LRRIQ4: variants seen among roughly 807,000 people sequenced by gnomAD.
LRRIQ4 encodes leucine rich repeats and IQ motif containing 4.
Under a neutral mutation model 40.1 loss-of-function variants are expected in LRRIQ4, and 21 were observed. That is an observed-to-expected ratio of 0.52 (90% CI 0.37 to 0.75). The LOEUF is 0.75. Ranked by LOEUF, LRRIQ4 falls within the 30% of genes least tolerant of loss-of-function variation. The probability of loss-of-function intolerance (pLI) is 0.00; values close to 1 mark genes in which losing one functional copy is unlikely to be tolerated. For synonymous variants in LRRIQ4, 277 were observed against 277.1 expected, an observed-to-expected ratio of 1.00 and a Z score of 0.00; for missense variants, 655 against 660.0, an observed-to-expected ratio of 0.99 and a Z score of 0.08.
chr3:169,837,563 A>G lies in LRRIQ4; in HGVS notation c.1615A>G (p.Thr539Ala), dbSNP rs757666982. Residue 539 changes from threonine to alanine, a missense_variant, in exon 6 of 6, where the codon ACC (threonine) becomes GCC (alanine). Physicochemically the swap from Thr to Ala is moderately conservative, Grantham distance 58 (BLOSUM62 0). Transcript: ENST00000340806. ...ACTAAAACCACAAAAGAAAGGAAAG[A>G]CCTCTCCAAAAGATAAGAAAGGAAA... is the stretch of plus-strand genomic sequence containing the variant. The part of the protein sequence containing the change: ...ELLKPQKKGK[T>A]SPKDKKGKKD... The G allele has an allele frequency of 6.2e-7, 1 of 1,603,006 alleles. No homozygotes were observed. The highest frequency in any genetic ancestry group is 8.5e-7 in the Non-Finnish European group (1 of 1,174,818).
chr3:169,817,195 G>T (rs999995905), intron 1 of LRRIQ4, among the ~76,000 whole-genome samples: 2 of 152,054 alleles, frequency 1.3e-5, no homozygotes, highest in African/African-American at 4.8e-5. Context: ...TTGACCCACT[G>T]GTCATTCAGG....
At chr3:169,831,316 C>G (rs1780168997) in intron 4 of LRRIQ4, among the ~76,000 whole-genome samples, 1 of 119,066 alleles carries the variant, frequency 8.4e-6, no homozygotes, top group Non-Finnish European at 1.6e-5. Flanking sequence ...CTCTGTCGCT[C>G]AGGCTGGAGT....
intron 2 of LRRIQ4, among the ~76,000 whole-genome samples, chr3:169,827,275 G>T (rs1381377079): frequency 6.6e-6 from 1 of 152,178 alleles, no homozygotes; most frequent in Admixed American, 6.5e-5. Flanking sequence ...AGGCATCTCT[G>T]TAACACAGTC....
intron 1 of LRRIQ4, among the ~76,000 whole-genome samples, chr3:169,819,403 G>C (rs914952029): frequency 1.3e-5 from 2 of 152,158 alleles, no homozygotes; most frequent in African/African-American, 2.4e-5. Flanking sequence ...AAAGATGAAT[G>C]CTAAGAGAAA....
In LRRIQ4 at chr3:169,829,475, A is replaced by G. The variant is rs1780113791; in HGVS notation, c.1194+543A>G. Reference sequence around the variant, plus strand: ...CATAGTAGGGTGTCTTCATATATTCATCCTTTAAAGAACTGTTTTTTTTTT... The same window carrying G: ...CATAGTAGGGTGTCTTCATATATTCGTCCTTTAAAGAACTGTTTTTTTTTT... On this transcript the variant is annotated intron_variant, in intron 3 of 5. Coordinates refer to ENST00000340806, the MANE Select transcript of LRRIQ4 (RefSeq NM_001080460.3). Among the ~76,000 whole-genome samples, 3 of 143,400 alleles carry G rather than the reference A, an allele frequency of 2.1e-5. No homozygotes were observed. The Admixed American group carries it at 2.2e-4, about 10-fold the overall frequency. 94.1% of individuals were successfully genotyped at this position (143,400 alleles called of 152,430 possible).
At chr3:169,828,523 C>T (rs993907135) in intron 2 of LRRIQ4, among the ~76,000 whole-genome samples, 8 of 152,302 alleles carry the variant, frequency 5.3e-5, no homozygotes, top group East Asian at 1.9e-4. Context: ...CATAAACCAC[C>T]GCGCCCAGCC....
chr3:169,817,548 T>A (rs1320762609), intron 1 of LRRIQ4, among the ~76,000 whole-genome samples: 1 of 152,252 alleles, frequency 6.6e-6, no homozygotes, highest in Non-Finnish European at 1.5e-5. Context: ...CAGCCATTAT[T>A]GTACTGGAGT....
At chr3:169,830,166 G>A (rs1240985197) in intron 3 of LRRIQ4, among the ~76,000 whole-genome samples, 1 of 151,980 alleles carries the variant, frequency 6.6e-6, no homozygotes, top group Non-Finnish European at 1.5e-5. Flanking sequence ...ATTAAAAAAG[G>A]AGTTAATGAT....
intron 1 of LRRIQ4, among the ~76,000 whole-genome samples, chr3:169,816,332 T>G (rs1779768483): frequency 6.6e-6 from 1 of 152,166 alleles, no homozygotes; most frequent in Admixed American, 6.5e-5. Flanking sequence ...GACTTTGATC[T>G]TTTTACTTGC....
intron 1 of LRRIQ4, among the ~76,000 whole-genome samples, chr3:169,817,397 G>A (rs1315082439): frequency 6.6e-6 from 1 of 152,246 alleles, no homozygotes; most frequent in Non-Finnish European, 1.5e-5. Context: ...GGAAAAGAAT[G>A]TGTATTCTGC....
At chr3:169,832,207 C>G (rs1396186342) in intron 4 of LRRIQ4, among the ~76,000 whole-genome samples, 2 of 152,038 alleles carry the variant, frequency 1.3e-5, no homozygotes, top group African/African-American at 4.8e-5. Context: ...CGGTGGCTCA[C>G]GCCTGTAATT....
chr3:169,827,235 A>G (rs546656286), intron 2 of LRRIQ4, among the ~76,000 whole-genome samples: 21 of 152,302 alleles, frequency 1.4e-4, no homozygotes, highest in South Asian at 1.0e-3. Context: ...GTTGAGCTAT[A>G]TAGCTGGGAT....
chr3:169,834,608 C>T (rs920162731), intron 5 of LRRIQ4, among the ~76,000 whole-genome samples: 2 of 152,094 alleles, frequency 1.3e-5, no homozygotes, highest in African/African-American at 4.8e-5. Flanking sequence ...TTAAATGTAT[C>T]CAGTGGAAAC....
intron 4 of LRRIQ4, among the ~76,000 whole-genome samples, chr3:169,831,838 G>A (rs1358505978): frequency 6.6e-6 from 1 of 151,718 alleles, no homozygotes; most frequent in Non-Finnish European, 1.5e-5. Context: ...GTGATGGCAC[G>A]TGCCTGTAAT....
In LRRIQ4 at chr3:169,837,656, A is replaced by G. The variant is rs1175617927; in HGVS notation, c.*25A>G. ...ATCCTGTAAATTGATAAATTGGGGT[A>G]ATGGACCTTGATAGATTAAGAAGAC... is the stretch of plus-strand genomic sequence containing the variant. On this transcript the variant is annotated 3_prime_UTR_variant, in exon 6 of 6. Transcript: ENST00000340806. The G allele has an allele frequency of 6.5e-7, 1 of 1,541,176 alleles. No homozygotes were observed. The highest frequency in any genetic ancestry group is 8.7e-7 in the Non-Finnish European group (1 of 1,144,840).
rs1347182712 is a variant in LRRIQ4 at position 169,831,592 on chromosome 3, G to A, written c.1333+962G>A. 5.4e-5 allele frequency among the ~76,000 whole-genome samples: 8 copies of A among 148,546 alleles called. No homozygotes were observed. In the East Asian group the frequency reaches 1.0e-3, roughly 19 times the overall value. On this transcript the variant is annotated intron_variant, in intron 4 of 5. Coordinates refer to ENST00000340806, the MANE Select transcript of LRRIQ4 (RefSeq NM_001080460.3). ...GCTGGAATTACAGGCGTGAGCCACC[G>A]TGCCTGGCCCAAACTATAGTTATTC...
At chr3:169,815,528 A>AT (rs948479657) in intron 1 of LRRIQ4, among the ~76,000 whole-genome samples, 2 of 151,882 alleles carry the variant, frequency 1.3e-5, no homozygotes, top group East Asian at 1.9e-4. Context: ...CATTCTAATA[A>AT]TTTTTTTTGG....
At chr3:169,833,706 A>G (rs1190177852) in intron 5 of LRRIQ4, among the ~76,000 whole-genome samples, 1 of 152,138 alleles carries the variant, frequency 6.6e-6, no homozygotes, top group African/African-American at 2.4e-5. Context: ...CAACTGGCCC[A>G]AGTCCCCATC....
chr3:169,816,260 T>TA (rs1464433215), intron 1 of LRRIQ4, among the ~76,000 whole-genome samples: 3 of 152,210 alleles, frequency 2.0e-5, no homozygotes, highest in Non-Finnish European at 4.4e-5. Context: ...AAATGTTTGA[T>TA]AAAAATCAGC....
Sources: gnomAD v4.1 joint callset for allele counts (sites outside exome capture counted in the v4.1 genomes callset) on GRCh38, gnomAD v4.1.1 for gene constraint, MANE v1.5 for transcripts, NCBI Gene and HGNC (gene_info 2026-07-23, HGNC 2026-07-21) for gene names.